Variants in BICDL1 observed in about 807,000 individuals in gnomAD.
BICDL1 encodes the protein BICD family like cargo adaptor 1.
Under a neutral mutation model 76.8 loss-of-function variants are expected in BICDL1, and 20 were observed. The ratio of observed to expected loss-of-function variants is 0.26; its 90% CI spans 0.18 to 0.38. The LOEUF (loss-of-function observed/expected upper bound fraction) is 0.38. BICDL1 is among the 10% of genes least tolerant of loss of function. The pLI, the probability that BICDL1 is intolerant of heterozygous loss-of-function variation, is 1.00. For synonymous variants in BICDL1, 383 were observed against 337.1 expected, an observed-to-expected ratio of 1.14 and a Z score of -1.49; for missense variants, 700 against 798.6, an observed-to-expected ratio of 0.88 and a Z score of 1.49.
rs1298393061 is a variant in BICDL1 at position 120,072,618 on chromosome 12, C to T, written c.1197C>T (p.Asp399=). 1.1e-5 allele frequency: 17 copies of T among 1,614,062 alleles called. No individual in the cohort carries two copies. The highest frequency in any genetic ancestry group is 1.6e-4 in the Middle Eastern group (1 of 6,084). The stretch of plus-strand genomic sequence containing the variant: ...CCGTCTCCACGGACTCCTCCATGGA[C>T]GAGTCTTCAGAAACCTCGTCCGCCA... ...DSAVSTDSSM[D]ESSETSSAKD... is the part of the protein sequence containing the mutation. Residue 399 remains aspartate, a synonymous_variant, in exon 6 of 10, where the codon GAC becomes GAT. Transcript: ENST00000548673.
chr12:120,083,223 T>G (rs1241145935), intron 8 of BICDL1, among the ~76,000 whole-genome samples: 1 of 152,274 alleles, frequency 6.6e-6, no homozygotes, highest in East Asian at 1.9e-4. Flanking sequence ...AACAAACATA[T>G]TTACATATCC....
At chr12:120,006,543 AAGG>A in intron 2 of BICDL1, among the ~76,000 whole-genome samples, 1 of 152,338 alleles carries the variant, frequency 6.6e-6, no homozygotes, top group East Asian at 1.9e-4. Context: ...AAAACCAGGT[AAGG>A]AGGAGAAAGT....
chr12:120,032,489 A>G (rs1952442609), intron 2 of BICDL1, among the ~76,000 whole-genome samples: 1 of 152,196 alleles, frequency 6.6e-6, no homozygotes. Flanking sequence ...TTTCCTCACC[A>G]TTGTAGCCCA....
At chr12:120,088,959 C>T (rs979087996) in intron 8 of BICDL1, among the ~76,000 whole-genome samples, 6 of 152,310 alleles carry the variant, frequency 3.9e-5, no homozygotes, top group South Asian at 2.1e-4. Flanking sequence ...CCACCGCACC[C>T]GGCCTACTTT....
At chr12:120,024,755 T>C (rs1361807301) in intron 2 of BICDL1, among the ~76,000 whole-genome samples, 1 of 152,178 alleles carries the variant, frequency 6.6e-6, no homozygotes, top group African/African-American at 2.4e-5. Context: ...TGGCACGATC[T>C]TGGCTCACTG....
intron 7 of BICDL1, among the ~76,000 whole-genome samples, chr12:120,077,138 C>G (rs767563040): frequency 1.1e-4 from 16 of 152,240 alleles, no homozygotes; most frequent in Admixed American, 1.0e-3. Context: ...GTGTTCTTTT[C>G]TCTCTTGAAA....
intron 7 of BICDL1, among the ~76,000 whole-genome samples, chr12:120,080,383 T>G (rs1318075370): frequency 2.0e-5 from 3 of 152,110 alleles, no homozygotes; most frequent in African/African-American, 7.2e-5. Context: ...GGGAGCTGAA[T>G]GAGGAACTAA....
rs188510519 is a variant in BICDL1, at chr12:120,033,493, C to T, written c.646-28217C>T. On this transcript the variant is annotated intron_variant, in intron 2 of 9. Transcript: ENST00000548673. ...CCGGGTTCACGCCATTCTCCCACCT[C>T]AGCCTCCCAAGTAGCTGGGGCTACA... Among the ~76,000 whole-genome samples, 28 of 151,558 alleles carry T rather than the reference C, an allele frequency of 1.8e-4. 1 individual carries two copies. The East Asian group carries it at 5.1e-3, about 27-fold the overall frequency.
chr12:120,064,647 C>G (rs1953180798), intron 3 of BICDL1, 86 bp from the exon 4 acceptor site: 3 of 1,352,758 alleles, frequency 2.2e-6, no homozygotes, highest in Non-Finnish European at 3.0e-6. Flanking sequence ...AGATACTTGC[C>G]TTCATGTTTT....
chr12:120,072,635 C>T lies in BICDL1; in HGVS notation c.1214C>T (p.Ser405Leu), dbSNP rs374769468. The T allele has an allele frequency of 4.3e-6, 7 of 1,614,082 alleles. No homozygotes were observed. Among genetic ancestry groups the T allele is most frequent in the African/African-American group, 1.3e-5 (1 of 74,948 alleles). The change falls in exon 6 of 10, where the codon TCG becomes TTG. Residue 405 changes from serine to leucine, a missense_variant. Physicochemically the swap from Ser to Leu is moderately radical, Grantham distance 145. This residue lies in a region of BICDL1 where 455 missense variants were observed against 548.7 expected (regional missense o/e 0.83). Coordinates refer to ENST00000548673, the MANE Select transcript of BICDL1 (RefSeq NM_001367886.1). ...TCCATGGACGAGTCTTCAGAAACCT[C>T]GTCCGCCAAGGATGTGCCAGCCGGC... ...DSSMDESSETSSAKDVPAGSL... is the reference protein window; with the variant it reads ...DSSMDESSETLSAKDVPAGSL...
intron 9 of BICDL1, chr12:120,092,256 G>C: frequency 1.0e-6 from 1 of 985,452 alleles, no homozygotes; most frequent in Non-Finnish European, 1.2e-6. Context: ...GTAAAACATG[G>C]TGGGGCGGGC....
intron 2 of BICDL1, among the ~76,000 whole-genome samples, chr12:120,049,391 C>G (rs1243969689): frequency 2.0e-5 from 3 of 152,140 alleles, no homozygotes; most frequent in Non-Finnish European, 4.4e-5. Flanking sequence ...AAGAAAATGT[C>G]TTTTCATATT....
chr12:120,030,752 C>T (rs1030919608), intron 2 of BICDL1, among the ~76,000 whole-genome samples: 2 of 152,176 alleles, frequency 1.3e-5, no homozygotes, highest in African/African-American at 4.8e-5. Context: ...ATATACATCT[C>T]ATATTCACTT....
At chr12:120,077,899 G>A (rs771319372) in intron 7 of BICDL1, among the ~76,000 whole-genome samples, 5 of 151,920 alleles carry the variant, frequency 3.3e-5, no homozygotes, top group Admixed American at 6.6e-5. Flanking sequence ...CAAATAGCAG[G>A]AAGCCTTGAG....
intron 2 of BICDL1, among the ~76,000 whole-genome samples, chr12:120,033,959 C>G (rs1347327595): frequency 6.6e-6 from 1 of 152,092 alleles, no homozygotes; most frequent in African/African-American, 2.4e-5. Context: ...TCCATATTGA[C>G]AAGAAAAGTA....
intron 2 of BICDL1, among the ~76,000 whole-genome samples, chr12:120,026,684 G>T (rs1952309973): frequency 2.0e-5 from 3 of 152,226 alleles, no homozygotes; most frequent in Admixed American, 2.0e-4. Context: ...AAGGACCATT[G>T]CCTGATGCAA....
chr12:120,005,154 T>C (rs1951828081), intron 2 of BICDL1, among the ~76,000 whole-genome samples: 1 of 152,170 alleles, frequency 6.6e-6, no homozygotes, highest in Non-Finnish European at 1.5e-5. Flanking sequence ...AAATGTTTAT[T>C]GTGTTTCCTG....
intron 9 of BICDL1, chr12:120,091,692 C>T (rs1874983468): frequency 1.3e-5 from 13 of 985,128 alleles, no homozygotes; most frequent in Admixed American, 6.2e-5. Context: ...AGCCAGAGCG[C>T]GTGAGGGGTC....
chr12:120,030,833 A>G (rs750497440), intron 2 of BICDL1, among the ~76,000 whole-genome samples: 8 of 152,144 alleles, frequency 5.3e-5, no homozygotes, highest in Non-Finnish European at 1.2e-4. Context: ...TGCTACTTTC[A>G]ACAGTAACTG....
Sources: gnomAD v4.1 joint callset for allele counts (sites outside exome capture counted in the v4.1 genomes callset) on GRCh38, gnomAD v4.1.1 for gene constraint, gnomAD v4.1.1 regional missense constraint, MANE v1.5 for transcripts, NCBI Gene and HGNC (gene_info 2026-07-23, HGNC 2026-07-21) for gene names.